The following KLHL6 variants were observed in gnomAD, a reference collection of about 807,000 sequenced individuals.
KLHL6 encodes the protein kelch-like protein 6.
Under a neutral mutation model 58.6 loss-of-function variants are expected in KLHL6, and 41 were observed. That is an observed-to-expected ratio of 0.70 (90% confidence interval 0.55 to 0.91). The LOEUF (loss-of-function observed/expected upper bound fraction) is 0.91, where lower values mean the gene tolerates loss of function less well. KLHL6 is among the 40% of genes least tolerant of loss of function. The probability of loss-of-function intolerance (pLI) is 0.00; values close to 1 mark genes in which losing one functional copy is unlikely to be tolerated. For missense variants in KLHL6, 714 were observed against 805.6 expected, an observed-to-expected ratio of 0.89 and a Z score of 1.38; for synonymous variants, 338 against 322.7, an observed-to-expected ratio of 1.05 and a Z score of -0.51.
At chr3:183,515,300 C>G (rs1267794940) in intron 2 of KLHL6, among the ~76,000 whole-genome samples, 1 of 152,186 alleles carries the variant, frequency 6.6e-6, no homozygotes, top group Non-Finnish European at 1.5e-5. Flanking sequence ...ATAATCCCAG[C>G]ACTTTGGGAG....
chr3:183,534,951 T>TATATA (rs200010722), intron 1 of KLHL6, among the ~76,000 whole-genome samples: 3 of 65,172 alleles, frequency 4.6e-5, no homozygotes, highest in African/African-American at 1.9e-4. Context: ...TATATATATA[T>TATATA]TTTTTTTTTT....
At position 183,489,866 on chromosome 3, in the gene KLHL6, G is replaced by A. The variant is rs958056728; in HGVS notation, c.*2061C>T. On this transcript the variant is annotated 3_prime_UTR_variant, in exon 7 of 7. Coordinates refer to ENST00000341319, the MANE Select transcript of KLHL6 (RefSeq NM_130446.4). ...TTTCAAATATTAGCTTCTTCTAACC[G>A]TGACTGTTTAATGAAAATTCAATTC... The A allele has an allele frequency of 6.6e-5, 10 of 152,044 alleles. No homozygotes were observed. Among genetic ancestry groups the A allele is most frequent in the South Asian group, 2.1e-4 (1 of 4,810 alleles). The allele number at this position is 152,044 out of a possible 1,614,324, so 9.4% of individuals were successfully genotyped here. A position where few individuals can be genotyped will look rare whatever the true frequency, so the allele number is the denominator to read the frequency against.
intron 1 of KLHL6, chr3:183,544,566 A>G (rs1051052326): frequency 2.0e-5 from 3 of 152,128 alleles, no homozygotes. Context: ...TAAGAAAGTA[A>G]AGCAGTGTTT....
At chr3:183,543,445 G>A (rs538292641) in intron 1 of KLHL6, among the ~76,000 whole-genome samples, 42 of 152,270 alleles carry the variant, frequency 2.8e-4, no homozygotes, top group African/African-American at 9.9e-4. Flanking sequence ...AGGCCCACCT[G>A]CTAATGAGAC....
intron 2 of KLHL6, among the ~76,000 whole-genome samples, chr3:183,512,276 T>TAG (rs1371078910): frequency 1.3e-5 from 2 of 152,112 alleles, no homozygotes; most frequent in African/African-American, 2.4e-5. Context: ...GAAAATTAAG[T>TAG]AGATATTTCT....
At chr3:183,533,941 A>G (rs1452888254) in intron 1 of KLHL6, among the ~76,000 whole-genome samples, 2 of 151,744 alleles carry the variant, frequency 1.3e-5, no homozygotes, top group Non-Finnish European at 2.9e-5. Flanking sequence ...CTGTAAAGTG[A>G]AGAAATCCCC....
At chr3:183,508,563 G>A in intron 2 of KLHL6, 55 bp from the exon 3 acceptor site, 1 of 1,524,816 alleles carries the variant, frequency 6.6e-7, no homozygotes, top group Non-Finnish European at 8.9e-7. Context: ...TCCACAAGGA[G>A]GTTTATCAGT....
At chr3:183,502,169 G>A (rs1331809205) in intron 3 of KLHL6, among the ~76,000 whole-genome samples, 2 of 152,100 alleles carry the variant, frequency 1.3e-5, no homozygotes, top group East Asian at 3.9e-4. Context: ...AGGTGTGGTG[G>A]CAGGCACCTG....
intron 3 of KLHL6, among the ~76,000 whole-genome samples, chr3:183,502,005 G>A (rs780067135): frequency 1.5e-4 from 23 of 152,130 alleles, no homozygotes; most frequent in Non-Finnish European, 2.5e-4. Context: ...AAATGAGCGA[G>A]TGAGCTGGGT....
In KLHL6 at chr3:183,491,591, C is replaced by T. The variant is rs768428523; in HGVS notation, c.*336G>A. The stretch of plus-strand genomic sequence containing the variant: ...GCCTCTGTGAAACTTGGTTCCCTCA[C>T]CTGTAAACTAGAAGTGATAAGAGCC... On this transcript the variant is annotated 3_prime_UTR_variant, in exon 7 of 7. Coordinates refer to ENST00000341319, the MANE Select transcript of KLHL6 (RefSeq NM_130446.4). The T allele has an allele frequency of 1.8e-5, 4 of 226,744 alleles. No homozygotes were observed. The highest frequency in any genetic ancestry group is 2.6e-5 in the Non-Finnish European group (3 of 116,962). 14.0% of individuals were successfully genotyped at this position (226,744 alleles called of 1,614,324 possible). A position where few individuals can be genotyped will look rare whatever the true frequency, so the allele number is the denominator to read the frequency against.
At chr3:183,503,545 C>T (rs1340640290) in intron 3 of KLHL6, among the ~76,000 whole-genome samples, 1 of 152,066 alleles carries the variant, frequency 6.6e-6, no homozygotes, top group Non-Finnish European at 1.5e-5. Flanking sequence ...TTTGGGAGGT[C>T]GAGGCAGGCA....
intron 2 of KLHL6, among the ~76,000 whole-genome samples, chr3:183,514,535 A>C (rs1190767268): frequency 6.6e-6 from 1 of 152,156 alleles, no homozygotes; most frequent in Non-Finnish European, 1.5e-5. Flanking sequence ...TTTTAAGGAA[A>C]GACTCAGGAT....
chr3:183,550,794 A>G (rs1253893212), intron 1 of KLHL6, among the ~76,000 whole-genome samples: 1 of 151,666 alleles, frequency 6.6e-6, no homozygotes, highest in Non-Finnish European at 1.5e-5. Context: ...CTGTCTCAAA[A>G]CAAAACAAAA....
rs1560090388 is a variant in KLHL6 at position 183,494,300 on chromosome 3, A to AT, written c.1148-20dup. On this transcript the variant is annotated intron_variant, in intron 4 of 6. Transcript: ENST00000341319. ...TTGCCACCTGCAAGAGATACAAAGCATTTAAGAAACCATCAGATGTGTCAG... is the reference window on the plus strand; with the variant it reads ...TTGCCACCTGCAAGAGATACAAAGCATTTTAAGAAACCATCAGATGTGTCAG... 6.3e-7 allele frequency: 1 copy of AT among 1,593,522 alleles called. No individual in the cohort carries two copies. The highest frequency in any genetic ancestry group is 8.6e-7 in the Non-Finnish European group (1 of 1,161,682).
Position 183,488,679 on chromosome 3 carries a change from T to C in KLHL6, c.*3248A>G, listed in dbSNP as rs1474038734. 1 of 152,266 alleles carries C rather than the reference T, an allele frequency of 6.6e-6. No individual in the cohort carries two copies. Among genetic ancestry groups the C allele is most frequent in the Admixed American group, 6.5e-5 (1 of 15,286 alleles). The allele number at this position is 152,266 out of a possible 1,614,324, so 9.4% of individuals were successfully genotyped here. ...ATGGTGTGGGTTATAACAGTTACCTTCCTGCAAATGTGTTCGTCTTTATTT... is the reference window on the plus strand; with the variant it reads ...ATGGTGTGGGTTATAACAGTTACCTCCCTGCAAATGTGTTCGTCTTTATTT... On this transcript the variant is annotated 3_prime_UTR_variant, in exon 7 of 7. Coordinates refer to ENST00000341319, the MANE Select transcript of KLHL6 (RefSeq NM_130446.4).
intron 2 of KLHL6, chr3:183,522,334 A>C (rs1049033261): frequency 1.3e-5 from 2 of 152,242 alleles, no homozygotes; most frequent in Non-Finnish European, 2.9e-5. Context: ...TCAAAAAAAA[A>C]GACTCTGGTG....
chr3:183,489,875 T>C lies in KLHL6; in HGVS notation c.*2052A>G, dbSNP rs1208108586. ...TTAGCTTCTTCTAACCGTGACTGTT[T>C]AATGAAAATTCAATTCACTATCAAC... On this transcript the variant is annotated 3_prime_UTR_variant, in exon 7 of 7. Coordinates refer to ENST00000341319, the MANE Select transcript of KLHL6 (RefSeq NM_130446.4). The C allele has an allele frequency of 6.6e-6, 1 of 152,244 alleles. No individual in the cohort carries two copies. Among genetic ancestry groups the C allele is most frequent in the Non-Finnish European group, 1.5e-5 (1 of 68,044 alleles). 9.4% of individuals were successfully genotyped at this position (152,244 alleles called of 1,614,324 possible).
intron 1 of KLHL6, among the ~76,000 whole-genome samples, chr3:183,537,832 C>T (rs1290780437): frequency 6.6e-6 from 1 of 152,168 alleles, no homozygotes; most frequent in African/African-American, 2.4e-5. Flanking sequence ...TATTTTTCTT[C>T]ATAGCTCTGC....
intron 1 of KLHL6, among the ~76,000 whole-genome samples, chr3:183,531,715 G>A (rs970272293): frequency 6.6e-6 from 1 of 151,986 alleles, no homozygotes; most frequent in African/African-American, 2.4e-5. Context: ...CAAAGTGCTG[G>A]GATTACAGGC....
Sources: allele counts gnomAD v4.1 joint callset (sites outside exome capture counted in the v4.1 genomes callset), GRCh38; gene constraint gnomAD v4.1.1; transcripts MANE v1.5; gene names NCBI Gene and HGNC (gene_info 2026-07-23, HGNC 2026-07-21).